ZSWIM6: variants seen among roughly 807,000 people sequenced by gnomAD.
The protein encoded by ZSWIM6 is zinc finger SWIM-type containing 6.
In ZSWIM6, 9 loss-of-function variants were observed where a neutral mutation model predicts 113.2. The ratio of observed to expected loss-of-function variants is 0.08; its 90% CI spans 0.05 to 0.14. The LOEUF (loss-of-function observed/expected upper bound fraction) is 0.14, where lower values mean the gene tolerates loss of function less well. Among genes scored for constraint, ZSWIM6 ranks in the 10% least tolerant of loss-of-function variants. The pLI is 1.00. For synonymous variants in ZSWIM6, 611 were observed against 606.5 expected (o/e 1.01, Z -0.11); for missense variants, 1,162 against 1,552.2 (o/e 0.75, Z 4.22).
chr5:61,373,471 C>T (rs914285555), intron 1 of ZSWIM6, among the ~76,000 whole-genome samples: 3 of 151,348 alleles, frequency 2.0e-5, no homozygotes, highest in Non-Finnish European at 2.9e-5. Context: ...TCCGCCTCCC[C>T]GGTACTCAGT....
chr5:61,518,733 T>A (rs1200215773), intron 4 of ZSWIM6, among the ~76,000 whole-genome samples: 1 of 152,082 alleles, frequency 6.6e-6, no homozygotes, highest in Admixed American at 6.5e-5. Context: ...TCCCATTTTG[T>A]AGGTTGCCTG....
At position 61,490,969 on chromosome 5, in the gene ZSWIM6, T is replaced by C. The variant is rs745653767; in HGVS notation, c.1182+35T>C. On this transcript the variant is annotated intron_variant, in intron 3 of 13. Coordinates refer to ENST00000252744, the MANE Select transcript of ZSWIM6 (RefSeq NM_020928.2). Reference sequence around the variant, plus strand: ...TCTATTTCTAAAGAAATATTCTAAATATATACATATATAGGGACTATCTGA... The same window carrying C: ...TCTATTTCTAAAGAAATATTCTAAACATATACATATATAGGGACTATCTGA... 7 of 1,487,628 alleles carry C rather than the reference T, an allele frequency of 4.7e-6. No homozygotes were observed. The South Asian group carries it at 8.0e-5, about 17-fold the overall frequency. 92.2% of individuals were successfully genotyped at this position (1,487,628 alleles called of 1,614,324 possible).
intron 4 of ZSWIM6, among the ~76,000 whole-genome samples, chr5:61,500,939 G>T (rs974603143): frequency 6.6e-6 from 1 of 152,082 alleles, no homozygotes; most frequent in Non-Finnish European, 1.5e-5. Context: ...GGCTCTGTAG[G>T]CTCTGCAGAC....
chr5:61,344,218 T>C (rs949281423), intron 1 of ZSWIM6, among the ~76,000 whole-genome samples: 12 of 152,164 alleles, frequency 7.9e-5, no homozygotes, highest in African/African-American at 2.9e-4. Context: ...CTTGATGCCA[T>C]TTTTACAGTT....
At chr5:61,461,279 C>T (rs1417927513) in intron 1 of ZSWIM6, among the ~76,000 whole-genome samples, 1 of 152,130 alleles carries the variant, frequency 6.6e-6, no homozygotes, top group African/African-American at 2.4e-5. Context: ...CAACTACCAC[C>T]CCATATCTTG....
intron 1 of ZSWIM6, among the ~76,000 whole-genome samples, chr5:61,371,221 G>T (rs1187748673): frequency 1.3e-5 from 2 of 152,056 alleles, no homozygotes; most frequent in Non-Finnish European, 2.9e-5. Flanking sequence ...AGTTTAGAAA[G>T]TTCTTTTACC....
intron 1 of ZSWIM6, among the ~76,000 whole-genome samples, chr5:61,455,214 A>G (rs1463259498): frequency 2.0e-5 from 3 of 152,200 alleles, no homozygotes; most frequent in Non-Finnish European, 4.4e-5. Flanking sequence ...TTACTACATC[A>G]TATATTTCTA....
intron 1 of ZSWIM6, among the ~76,000 whole-genome samples, chr5:61,445,820 A>T (rs190601082): frequency 6.6e-5 from 10 of 152,334 alleles, no homozygotes; most frequent in Admixed American, 6.5e-5. Context: ...TACTCAAGGT[A>T]AAAAATACTT....
intron 8 of ZSWIM6, 90 bp from the exon 9 acceptor site, chr5:61,531,375 G>A (rs1749424072): frequency 1.4e-6 from 2 of 1,389,818 alleles, no homozygotes; most frequent in Non-Finnish European, 1.9e-6. Context: ...TAATTCATTT[G>A]CTTGTACGGG....
chr5:61,493,531 T>C (rs1273461784), intron 3 of ZSWIM6, among the ~76,000 whole-genome samples: 1 of 152,190 alleles, frequency 6.6e-6, no homozygotes, highest in South Asian at 2.1e-4. Flanking sequence ...GAGTTCTCAA[T>C]GGACTCTGCA....
intron 1 of ZSWIM6, among the ~76,000 whole-genome samples, chr5:61,460,980 A>G (rs1017741134): frequency 6.6e-6 from 1 of 152,184 alleles, no homozygotes; most frequent in Admixed American, 6.5e-5. Context: ...GCTGTATAGA[A>G]CACAACAAAA....
At chr5:61,446,756 G>A (rs1325338859) in intron 1 of ZSWIM6, among the ~76,000 whole-genome samples, 1 of 152,052 alleles carries the variant, frequency 6.6e-6, no homozygotes, top group Admixed American at 6.6e-5. Flanking sequence ...CTTAATTTAT[G>A]AGTGCTCTTT....
intron 4 of ZSWIM6, among the ~76,000 whole-genome samples, chr5:61,496,119 G>A (rs1451850265): frequency 1.3e-5 from 2 of 152,034 alleles, no homozygotes; most frequent in African/African-American, 4.8e-5. Context: ...ATTTTTATTA[G>A]GTGGAAGTTT....
chr5:61,468,576 AGCTGG>A (rs544376160), intron 1 of ZSWIM6, among the ~76,000 whole-genome samples: 92 of 152,350 alleles, frequency 6.0e-4, no homozygotes, highest in African/African-American at 2.1e-3. Flanking sequence ...GCCCTAAAAC[AGCTGG>A]TCATCATAGT....
chr5:61,389,985 C>A (rs1745670697), intron 1 of ZSWIM6, among the ~76,000 whole-genome samples: 1 of 152,236 alleles, frequency 6.6e-6, no homozygotes, highest in South Asian at 2.1e-4. Context: ...CTGAGGGCAT[C>A]TGCAGCATGA....
chr5:61,534,881 C>T (rs534349485), intron 9 of ZSWIM6, among the ~76,000 whole-genome samples: 6 of 152,082 alleles, frequency 3.9e-5, no homozygotes, highest in East Asian at 3.9e-4. Flanking sequence ...GCCTATGATG[C>T]GTATGAAATG....
intron 1 of ZSWIM6, among the ~76,000 whole-genome samples, chr5:61,369,452 C>G (rs191789889): frequency 1.3e-3 from 193 of 152,298 alleles, no homozygotes; most frequent in Non-Finnish European, 1.8e-3. Context: ...TCTCAGAATC[C>G]ATTGTAGTAA....
chr5:61,491,633 C>T (rs1748179332), intron 3 of ZSWIM6, among the ~76,000 whole-genome samples: 1 of 151,888 alleles, frequency 6.6e-6, no homozygotes. Context: ...AGTTTCAGTA[C>T]CATACACACA....
chr5:61,391,644 C>G, intron 1 of ZSWIM6: 1 of 975,202 alleles, frequency 1.0e-6, no homozygotes, highest in Non-Finnish European at 1.7e-6. Flanking sequence ...CCACAATGGT[C>G]ACAGCCTCTA....
Sources: allele counts gnomAD v4.1 joint callset (sites outside exome capture counted in the v4.1 genomes callset), GRCh38; gene constraint gnomAD v4.1.1; transcripts MANE v1.5; gene names NCBI Gene and HGNC (gene_info 2026-07-23, HGNC 2026-07-21).